USP34: variants seen among roughly 807,000 people sequenced by gnomAD.
The protein encoded by USP34 is ubiquitin carboxyl-terminal hydrolase 34.
A neutral mutation model predicts 460.3 loss-of-function variants in USP34; 70 were observed. The ratio of observed to expected loss-of-function variants is 0.15; its 90% CI spans 0.13 to 0.19. The LOEUF is 0.19. Ranked by LOEUF, USP34 falls within the 10% of genes least tolerant of loss-of-function variation. The pLI, the probability that USP34 is intolerant of heterozygous loss-of-function variation, is 1.00. For missense variants in USP34, 3,985 were observed against 4,236.2 expected, an observed-to-expected ratio of 0.94 and a Z score of 1.65; for synonymous variants, 1,647 against 1,405.3, an observed-to-expected ratio of 1.17 and a Z score of -3.85.
chr2:61,211,842 A>C lies in USP34; in HGVS notation c.8770T>G (p.Phe2924Val). 1 of 1,609,362 alleles carries C rather than the reference A, an allele frequency of 6.2e-7. No homozygotes were observed. Among genetic ancestry groups the C allele is most frequent in the South Asian group, 1.1e-5 (1 of 90,198 alleles). Residue 2924 changes from phenylalanine to valine, a missense_variant, in exon 69 of 80, where the codon TTC becomes GTC. Phe to Val is a conservative substitution (Grantham distance 50). Transcript: ENST00000398571. Reference protein sequence around the residue: ...REEELEDIKQFKKTTISCYLR... With the variant: ...REEELEDIKQVKKTTISCYLR... ...TAACAACTTATGGTTGTTTTCTTGA[A>C]CTGTTTAATATCTTCTAATTCTTCT...
Position 61,190,284 on chromosome 2 carries a change from G to C in USP34, c.9860C>G (p.Ala3287Gly), listed in dbSNP as rs1395288540. Residue 3287 changes from alanine to glycine, a missense_variant, in exon 78 of 80, where the codon GCT becomes GGT. By Grantham distance (60) the Ala-to-Gly change is moderately conservative (BLOSUM62 0). Around this residue, in one of 14 missense-constraint regions of USP34, gnomAD observed 506 missense variants for 439.0 expected, o/e 1.15. Transcript: ENST00000398571. ...CATAGTTCTTACCCCATTTAAAGAA[G>C]CACTTGCTTTGGAAATTTCAACTCG... ...SNRVEISKAS[A>G]SLNGDLRALA... 1.9e-6 allele frequency: 3 copies of C among 1,612,504 alleles called. No individual in the cohort carries two copies. The highest frequency in any genetic ancestry group is 4.5e-5 in the East Asian group (2 of 44,864).
Position 61,352,797 on chromosome 2 carries a change from AGAG to A in USP34, c.1252-2107_1252-2105del, listed in dbSNP as rs1306359645. On this transcript the variant is annotated intron_variant, in intron 10 of 79. Transcript: ENST00000398571. ...CAGCAGAGGAGGAGGAAGAGGACAAAGAGGAGGAGGACAAGGAGGATGAAGAAA... is the reference window on the plus strand; with the variant it reads ...CAGCAGAGGAGGAGGAAGAGGACAAAGAGGAGGACAAGGAGGATGAAGAAA... 3.9e-5 allele frequency among the ~76,000 whole-genome samples: 6 copies of A among 152,058 alleles called. No homozygotes were observed. In the South Asian group the frequency reaches 8.3e-4, roughly 21 times the overall value.
chr2:61,308,415 G>C (rs1240485028), intron 27 of USP34, among the ~76,000 whole-genome samples: 1 of 151,904 alleles, frequency 6.6e-6, no homozygotes, highest in African/African-American at 2.4e-5. Flanking sequence ...ATAATGTTGA[G>C]AACATCTCTC....
chr2:61,308,831 A>C (rs1023530648), intron 27 of USP34, among the ~76,000 whole-genome samples: 27 of 152,190 alleles, frequency 1.8e-4, no homozygotes, highest in African/African-American at 6.0e-4. Context: ...GCTTGAGCTC[A>C]AGAGTTTGAG....
intron 23 of USP34, among the ~76,000 whole-genome samples, chr2:61,317,082 T>C (rs1690772757): frequency 6.6e-6 from 1 of 152,186 alleles, no homozygotes; most frequent in African/African-American, 2.4e-5. Flanking sequence ...TATTTGGCTG[T>C]ATTATCTAGG....
intron 41 of USP34, among the ~76,000 whole-genome samples, chr2:61,276,606 T>C (rs971926033): frequency 2.0e-5 from 3 of 152,210 alleles, no homozygotes; most frequent in Non-Finnish European, 2.9e-5. Context: ...TTCTTAACAA[T>C]GACTTTTGCT....
chr2:61,469,004 C>T (rs951717110), intron 1 of USP34, among the ~76,000 whole-genome samples: 2 of 152,226 alleles, frequency 1.3e-5, no homozygotes, highest in African/African-American at 4.8e-5. Flanking sequence ...GTCAGGAGCT[C>T]AAGACCAGCC....
At position 61,441,248 on chromosome 2, in the gene USP34, C is replaced by T. The variant is rs566848273; in HGVS notation, c.44-20415G>A. 7.9e-5 allele frequency among the ~76,000 whole-genome samples: 12 copies of T among 151,962 alleles called. No individual in the cohort carries two copies. The East Asian group carries it at 2.3e-3, about 29-fold the overall frequency. On this transcript the variant is annotated intron_variant, in intron 1 of 79. Transcript: ENST00000398571. ...AAACTCCTAGGCTCAAGTGATCCTC[C>T]TGCCTCGGCCTCCCAAAGCACTGGG...
At chr2:61,441,582 C>A (rs983373986) in intron 1 of USP34, among the ~76,000 whole-genome samples, 1 of 151,938 alleles carries the variant, frequency 6.6e-6, no homozygotes, top group Non-Finnish European at 1.5e-5. Flanking sequence ...CTCGGCCACT[C>A]GGCTGCCCAG....
intron 2 of USP34, chr2:61,417,136 T>C (rs1348396917): frequency 6.7e-5 from 106 of 1,575,006 alleles, no homozygotes; most frequent in Non-Finnish European, 9.0e-5. Flanking sequence ...TTGGCCAATG[T>C]GAACCCTGGC....
intron 7 of USP34, among the ~76,000 whole-genome samples, chr2:61,378,744 T>A (rs1692871238): frequency 6.6e-6 from 1 of 151,342 alleles, no homozygotes; most frequent in African/African-American, 2.4e-5. Context: ...CCATCTCTAT[T>A]AAAAATACAA....
intron 50 of USP34, 73 bp downstream of exon 50, chr2:61,246,251 A>G: frequency 7.9e-7 from 1 of 1,262,582 alleles, no homozygotes; most frequent in South Asian, 2.8e-5. Context: ...AGTTTTTAGA[A>G]AACTAAACAC....
intron 51 of USP34, among the ~76,000 whole-genome samples, chr2:61,243,649 G>A (rs1204456835): frequency 6.7e-6 from 1 of 150,304 alleles, no homozygotes; most frequent in Non-Finnish European, 1.5e-5. Context: ...CAAGGTGGGC[G>A]ATCACAAGGT....
chr2:61,378,694 T>C (rs948918259), intron 7 of USP34, among the ~76,000 whole-genome samples: 2 of 151,774 alleles, frequency 1.3e-5, no homozygotes, highest in Non-Finnish European at 2.9e-5. Context: ...TCACCTGAGG[T>C]CAGGAGCTCT....
intron 76 of USP34, 39 bp from the exon 77 acceptor site, chr2:61,190,697 G>A: frequency 6.3e-7 from 1 of 1,576,992 alleles, no homozygotes; most frequent in East Asian, 2.2e-5. Context: ...TTACGGTTGA[G>A]CACGGAAAAA....
intron 41 of USP34, among the ~76,000 whole-genome samples, chr2:61,268,318 T>C (rs1689113098): frequency 6.6e-6 from 1 of 151,544 alleles, no homozygotes; most frequent in South Asian, 2.1e-4. Flanking sequence ...CTCCCCAATG[T>C]TGGAGGTGAG....
intron 2 of USP34, among the ~76,000 whole-genome samples, chr2:61,407,899 G>C (rs1164619033): frequency 6.6e-6 from 1 of 152,104 alleles, no homozygotes; most frequent in Admixed American, 6.6e-5. Flanking sequence ...TGGATCACCT[G>C]AATTCAGGAT....
intron 57 of USP34, 76 bp downstream of exon 57, chr2:61,235,769 G>A: frequency 2.1e-6 from 3 of 1,441,192 alleles, no homozygotes; most frequent in Non-Finnish European, 2.8e-6. Flanking sequence ...CAACTCTGCT[G>A]TAGCATCTTA....
chr2:61,288,273 G>A (rs777365611), intron 34 of USP34, among the ~76,000 whole-genome samples: 1 of 152,186 alleles, frequency 6.6e-6, no homozygotes, highest in Non-Finnish European at 1.5e-5. Context: ...ATCTAGGGGT[G>A]ATAAATGGCT....
Sources: gnomAD v4.1 joint callset for allele counts (sites outside exome capture counted in the v4.1 genomes callset) on GRCh38, gnomAD v4.1.1 for gene constraint, gnomAD v4.1.1 regional missense constraint, MANE v1.5 for transcripts, NCBI Gene and HGNC (gene_info 2026-07-23, HGNC 2026-07-21) for gene names.